The following ARHGAP6 variants were observed in gnomAD, a reference collection of about 807,000 sequenced individuals.
ARHGAP6 encodes rho GTPase-activating protein 6.
ARHGAP6 carries 16 observed loss-of-function variants against 55.7 expected under a neutral mutation model. The ratio of observed to expected loss-of-function variants is 0.29; its 90% CI spans 0.19 to 0.44. The LOEUF (loss-of-function observed/expected upper bound fraction) is 0.44. ARHGAP6 is among the 20% of genes least tolerant of loss of function. The pLI is 1.00. For synonymous variants in ARHGAP6, 382 were observed against 360.9 expected, an observed-to-expected ratio of 1.06 and a Z score of -0.66; for missense variants, 698 against 808.9, an observed-to-expected ratio of 0.86 and a Z score of 1.66.
intron 2 of ARHGAP6, among the ~76,000 whole-genome samples, chrX:11,203,442 G>A (rs1321851867): frequency 9.0e-6 from 1 of 111,399 alleles, no homozygotes; most frequent in Non-Finnish European, 1.9e-5. Flanking sequence ...AATCAATGCC[G>A]GCACAGAGGA....
At chrX:11,189,538 T>G (rs1350854450) in intron 3 of ARHGAP6, among the ~76,000 whole-genome samples, 2 of 111,678 alleles carry the variant, frequency 1.8e-5, no homozygotes, top group African/African-American at 6.5e-5. Context: ...TGGGAACTGG[T>G]TGGGAAGAAG....
chrX:11,616,773 C>T (rs183378352), intron 1 of ARHGAP6, among the ~76,000 whole-genome samples: 109 of 111,818 alleles, frequency 9.7e-4, no homozygotes, highest in African/African-American at 3.4e-3. Context: ...TATTTGGAGA[C>T]TTTTTTGGTT....
chrX:11,456,602 G>GCAAGCCCACTGATGCCTCCTTGGGC (rs1237096050), intron 1 of ARHGAP6, among the ~76,000 whole-genome samples: 2 of 111,220 alleles, frequency 1.8e-5, no homozygotes, highest in African/African-American at 3.3e-5. Flanking sequence ...TGGAGGTGGG[G>GCAAGCCCACTGATGCCTCCTTGGGC]CAAGCCCACT....
At chrX:11,295,324 G>A (rs2048065672) in intron 1 of ARHGAP6, among the ~76,000 whole-genome samples, 1 of 111,447 alleles carries the variant, frequency 9.0e-6, no homozygotes, top group South Asian at 3.8e-4. Context: ...TTTGTGTTAG[G>A]AATCCACTTT....
chrX:11,256,244 C>T (rs2047492904), intron 1 of ARHGAP6, among the ~76,000 whole-genome samples: 1 of 111,975 alleles, frequency 8.9e-6, no homozygotes, highest in African/African-American at 3.2e-5. Context: ...ACAAAATTAG[C>T]CAGGCATGGT....
chrX:11,237,980 C>A lies in ARHGAP6; in HGVS notation c.748+16568G>T, dbSNP rs985245678. 9.0e-5 allele frequency among the ~76,000 whole-genome samples: 10 copies of A among 111,621 alleles called. No homozygotes were observed. In the Admixed American group the frequency reaches 9.5e-4, roughly 11 times the overall value. The stretch of plus-strand genomic sequence containing the variant: ...CCTTTATCTACTAGATGCCAGAGCA[C>A]CCCACCACTGTTGTGACCACACACG... On this transcript the variant is annotated intron_variant, in intron 2 of 12. Transcript: ENST00000337414.
chrX:11,153,497 C>T (rs1389605178), intron 10 of ARHGAP6, among the ~76,000 whole-genome samples: 1 of 93,376 alleles, frequency 1.1e-5, no homozygotes, highest in African/African-American at 4.1e-5. Context: ...TGTACTCCAG[C>T]CTGGGTGACA....
intron 2 of ARHGAP6, among the ~76,000 whole-genome samples, chrX:11,212,815 G>T (rs1430083887): frequency 6.3e-5 from 7 of 111,752 alleles, no homozygotes; most frequent in Non-Finnish European, 9.4e-5. Context: ...ATAAAATAAA[G>T]ATTAAATAAA....
intron 1 of ARHGAP6, among the ~76,000 whole-genome samples, chrX:11,257,578 G>A (rs1288356283): frequency 4.5e-5 from 5 of 112,209 alleles, no homozygotes; most frequent in South Asian, 3.7e-4. Context: ...TCCTAGAAGG[G>A]ACATTTTGTT....
At chrX:11,352,150 C>G (rs1283049440) in intron 1 of ARHGAP6, among the ~76,000 whole-genome samples, 1 of 112,452 alleles carries the variant, frequency 8.9e-6, no homozygotes, top group African/African-American at 3.2e-5. Flanking sequence ...GTGGAACTTA[C>G]GTGTAGAAAG....
At chrX:11,515,489 T>C (rs771698298) in intron 1 of ARHGAP6, among the ~76,000 whole-genome samples, 18 of 107,853 alleles carry the variant, frequency 1.7e-4, no homozygotes, top group Non-Finnish European at 1.5e-4. Context: ...CACATAACTA[T>C]ACCTCCCCCT....
chrX:11,512,672 G>C (rs2050796629), intron 1 of ARHGAP6, among the ~76,000 whole-genome samples: 1 of 111,003 alleles, frequency 9.0e-6, no homozygotes, highest in Non-Finnish European at 1.9e-5. Context: ...AAAAACCCAG[G>C]AGAATCTGAT....
intron 1 of ARHGAP6, among the ~76,000 whole-genome samples, chrX:11,414,566 C>T (rs1281923776): frequency 9.2e-6 from 1 of 108,559 alleles, no homozygotes; most frequent in East Asian, 2.9e-4. Flanking sequence ...AAAAAACAGG[C>T]CTTGGCAACT....
At chrX:11,356,709 C>G (rs907598589) in intron 1 of ARHGAP6, among the ~76,000 whole-genome samples, 3 of 110,898 alleles carry the variant, frequency 2.7e-5, no homozygotes, top group African/African-American at 9.8e-5. Context: ...TATTGTTAGA[C>G]TGTGCTTCAA....
intron 1 of ARHGAP6, among the ~76,000 whole-genome samples, chrX:11,581,399 C>T (rs2051664573): frequency 8.9e-6 from 1 of 111,803 alleles, no homozygotes; most frequent in Admixed American, 9.5e-5. Context: ...TATAACCTAA[C>T]AATTCCACTT....
intron 1 of ARHGAP6, among the ~76,000 whole-genome samples, chrX:11,272,440 A>G (rs1409355904): frequency 9.1e-6 from 1 of 110,305 alleles, no homozygotes; most frequent in African/African-American, 3.3e-5. Flanking sequence ...TTTTCTCCAA[A>G]TTCCACTAAG....
At chrX:11,612,263 G>A (rs757385905) in intron 1 of ARHGAP6, among the ~76,000 whole-genome samples, 4 of 111,772 alleles carry the variant, frequency 3.6e-5, no homozygotes, top group Non-Finnish European at 7.5e-5. Context: ...GTTAAATACT[G>A]TACACCCAAC....
At chrX:11,232,750 C>A (rs1273266272) in intron 2 of ARHGAP6, among the ~76,000 whole-genome samples, 2 of 112,587 alleles carry the variant, frequency 1.8e-5, no homozygotes, top group African/African-American at 6.4e-5. Context: ...TGCCTACTTA[C>A]TCTTTTAAGA....
chrX:11,610,503 T>A (rs2052089647), intron 1 of ARHGAP6, among the ~76,000 whole-genome samples: 1 of 111,588 alleles, frequency 9.0e-6, no homozygotes, highest in Non-Finnish European at 1.9e-5. Flanking sequence ...CACTCTAAAT[T>A]CCTCCAGCGG....
Sources: gnomAD v4.1 joint callset for allele counts (sites outside exome capture counted in the v4.1 genomes callset) on GRCh38, gnomAD v4.1.1 for gene constraint, MANE v1.5 for transcripts, NCBI Gene and HGNC (gene_info 2026-07-23, HGNC 2026-07-21) for gene names.